The following PDE1C variants were observed in gnomAD, a reference collection of about 807,000 sequenced individuals.
PDE1C encodes dual specificity calcium/calmodulin-dependent 3',5'-cyclic nucleotide phosphodiesterase 1C.
Under a neutral mutation model 93.1 loss-of-function variants are expected in PDE1C, and 62 were observed. The observed-to-expected ratio is 0.67, with a 90% confidence interval of 0.54 to 0.82. The LOEUF (loss-of-function observed/expected upper bound fraction) is 0.82, where lower values mean the gene tolerates loss of function less well. Among genes scored for constraint, PDE1C ranks in the 40% least tolerant of loss-of-function variants. PDE1C has a pLI of 0.00. For missense variants in PDE1C, 742 were observed against 884.6 expected, an observed-to-expected ratio of 0.84 and a Z score of 2.04; for synonymous variants, 325 against 310.1, an observed-to-expected ratio of 1.05 and a Z score of -0.50.
At position 32,113,331 on chromosome 7, in the gene PDE1C, ATATC is replaced by A. The variant is rs1464830677; in HGVS notation, c.308+56450_308+56453del. On this transcript the variant is annotated intron_variant, in intron 3 of 18. Transcript: ENST00000396193. ...TTACATATATAAATATTATATATATATATCTATCTCAATTTCTGGGCTCTTTATT... is the reference window on the plus strand; with the variant it reads ...TTACATATATAAATATTATATATATATATCTCAATTTCTGGGCTCTTTATT... Among the ~76,000 whole-genome samples the A allele has an allele frequency of 9.1e-4, 132 of 144,708 alleles. 1 individual carries two copies. The highest frequency in any genetic ancestry group is 3.3e-3 in the African/African-American group (128 of 39,244). 94.9% of individuals were successfully genotyped at this position (144,708 alleles called of 152,430 possible).
chr7:31,745,102 A>G, the PDE1C span, among the ~76,000 whole-genome samples: 1 of 152,206 alleles, frequency 6.6e-6, no homozygotes, highest in African/African-American at 2.4e-5. Flanking sequence ...GATAAAGGCA[A>G]AACTATGCTC....
intron 1 of PDE1C, among the ~76,000 whole-genome samples, chr7:32,061,987 T>C (rs982638624): frequency 6.6e-6 from 1 of 152,180 alleles, no homozygotes; most frequent in African/African-American, 2.4e-5. Flanking sequence ...TGCTGGGCTG[T>C]AGATTATATC....
At chr7:31,617,288 T>C in the PDE1C span, among the ~76,000 whole-genome samples, 1 of 147,340 alleles carries the variant, frequency 6.8e-6, no homozygotes. Context: ...GGATGATTAA[T>C]ATAAATGGGT....
chr7:31,958,540 A>G (rs891666614), intron 2 of PDE1C, among the ~76,000 whole-genome samples: 1 of 152,170 alleles, frequency 6.6e-6, no homozygotes, highest in Non-Finnish European at 1.5e-5. Context: ...CAATCTTCAC[A>G]TATCAAGCAT....
At chr7:31,681,146 T>C in the PDE1C span, among the ~76,000 whole-genome samples, 2 of 152,168 alleles carry the variant, frequency 1.3e-5, no homozygotes, top group Admixed American at 1.3e-4. Flanking sequence ...TACAGACAGA[T>C]TGGAATTTTT....
In PDE1C at chr7:31,987,711, C is replaced by T. The variant is rs1783601340; in HGVS notation, c.128+63843G>A. On this transcript the variant is annotated intron_variant, in intron 2 of 17. Coordinates refer to ENST00000396191, the MANE Select transcript of PDE1C (RefSeq NM_001191057.4). ...GAACAGTGTTATATCGTTAGAAGCA[C>T]ACAAAGTAGGACTTAAAAGAAGTTA... is the stretch of plus-strand genomic sequence containing the variant. 3.3e-5 allele frequency among the ~76,000 whole-genome samples: 5 copies of T among 152,144 alleles called. No homozygotes were observed. In the South Asian group the frequency reaches 1.0e-3, roughly 31 times the overall value.
chr7:32,173,706 T>C (rs1396826964), intron 2 of PDE1C, among the ~76,000 whole-genome samples: 1 of 151,892 alleles, frequency 6.6e-6, no homozygotes, highest in Non-Finnish European at 1.5e-5. Context: ...AGATAGAAAA[T>C]GGATTTGTGT....
intron 2 of PDE1C, among the ~76,000 whole-genome samples, chr7:32,035,177 A>T (rs1790880699): frequency 6.6e-6 from 1 of 152,052 alleles, no homozygotes; most frequent in Non-Finnish European, 1.5e-5. Flanking sequence ...TACAAATGAC[A>T]TCTCCAACCA....
chr7:32,232,512 C>G (rs189151913), intron 1 of PDE1C, among the ~76,000 whole-genome samples: 2 of 152,254 alleles, frequency 1.3e-5, no homozygotes, highest in East Asian at 3.9e-4. Flanking sequence ...GAAATTCAGG[C>G]ACAGTCTTGG....
At chr7:31,820,426 A>T (rs1319398111) in intron 14 of PDE1C, 1 of 152,152 alleles carries the variant, frequency 6.6e-6, no homozygotes, top group Non-Finnish European at 1.5e-5. Flanking sequence ...CAGACTTGAA[A>T]ATTGTTATGT....
At position 31,995,850 on chromosome 7, in the gene PDE1C, T is replaced by C. The variant is rs141499923; in HGVS notation, c.128+55704A>G. Among the ~76,000 whole-genome samples, 391 of 152,216 alleles carry C rather than the reference T, an allele frequency of 2.6e-3. 1 individual carries two copies. The highest frequency in any genetic ancestry group is 8.8e-3 in the African/African-American group (365 of 41,538). ...CATTCAGGCCAAAAAAATGCCTTTG[T>C]ATTTGTTGATGGTTTCTGGCTGGCC... On this transcript the variant is annotated intron_variant, in intron 2 of 17. Transcript: ENST00000396191.
At chr7:32,167,257 T>G (rs776201789) in intron 3 of PDE1C, among the ~76,000 whole-genome samples, 2 of 152,148 alleles carry the variant, frequency 1.3e-5, no homozygotes, top group Non-Finnish European at 2.9e-5. Context: ...GTGCACACAT[T>G]TTGTCCTGGT....
At chr7:32,028,826 A>G (rs1584511757) in intron 2 of PDE1C, among the ~76,000 whole-genome samples, 1 of 152,076 alleles carries the variant, frequency 6.6e-6, no homozygotes, top group Non-Finnish European at 1.5e-5. Flanking sequence ...TGTAACCTCT[A>G]ACCATCAATT....
intron 1 of PDE1C, among the ~76,000 whole-genome samples, chr7:32,321,114 CA>C (rs558509321): frequency 2.4e-4 from 36 of 152,282 alleles, no homozygotes; most frequent in African/African-American, 7.7e-4. Flanking sequence ...AACAATCGCT[CA>C]GTGACAAAAG....
In PDE1C at chr7:31,892,877, T is replaced by C. The variant is rs1583824386; in HGVS notation, c.129-12017A>G. On this transcript the variant is annotated intron_variant, in intron 2 of 17. Transcript: ENST00000396191. ...GGTGACTATAGTGAAGAATAATATA[T>C]TATGTATTTCAAAATTGCTAAAAGG... Among the ~76,000 whole-genome samples the C allele has an allele frequency of 7.9e-5, 12 of 152,250 alleles. 1 individual carries two copies. The South Asian group carries it at 2.5e-3, about 32-fold the overall frequency.
chr7:31,837,826 C>T (rs1283540674), intron 10 of PDE1C, 44 bp downstream of exon 10: 2 of 1,331,856 alleles, frequency 1.5e-6, no homozygotes, highest in Admixed American at 1.7e-5. Flanking sequence ...AGGACCCATT[C>T]AAACACCTAT....
chr7:31,877,938 T>C (rs377536987), intron 5 of PDE1C, 32 bp downstream of exon 5: 2 of 1,450,446 alleles, frequency 1.4e-6, no homozygotes, highest in South Asian at 1.2e-5. Flanking sequence ...TTAGGTACCA[T>C]GTACATTGTA....
the PDE1C span, among the ~76,000 whole-genome samples, chr7:31,708,903 C>T: frequency 6.6e-6 from 1 of 152,328 alleles, no homozygotes; most frequent in East Asian, 1.9e-4. Context: ...GCTCCCACTT[C>T]TGATGCCCCA....
chr7:31,824,958 A>G lies in PDE1C; in HGVS notation c.1315T>C (p.Phe439Leu), dbSNP rs1789476072. 1 of 1,613,232 alleles carries G rather than the reference A, an allele frequency of 6.2e-7. No homozygotes were observed. Among genetic ancestry groups the G allele is most frequent in the Non-Finnish European group, 8.5e-7 (1 of 1,179,490 alleles). Residue 439 changes from phenylalanine (F) to leucine (L), a missense_variant, in exon 13 of 18, where the codon TTC (phenylalanine) becomes CTC (leucine). Coordinates refer to ENST00000396191, the MANE Select transcript of PDE1C (RefSeq NM_001191057.4). ...TCGGTCATGTCCGTAAGCACAGTGA[A>G]GGTGGGTTCCACGATGAAATCAATG... ...GFIDFIVEPT[F>L]TVLTDMTEKI...
Sources: allele counts gnomAD v4.1 joint callset (sites outside exome capture counted in the v4.1 genomes callset), GRCh38; gene constraint gnomAD v4.1.1; transcripts MANE v1.5; gene names NCBI Gene and HGNC (gene_info 2026-07-23, HGNC 2026-07-21).